FHIT: variants seen among roughly 807,000 people sequenced by gnomAD.
FHIT encodes the protein fragile histidine triad diadenosine triphosphatase.
A neutral mutation model predicts 17.9 loss-of-function variants in FHIT; 19 were observed. The ratio of observed to expected loss-of-function variants is 1.06; its 90% CI spans 0.74 to 1.56. The LOEUF (loss-of-function observed/expected upper bound fraction) is 1.56, where lower values mean the gene tolerates loss of function less well. Ranked by LOEUF, FHIT falls within the 40% of genes most tolerant of loss-of-function variation. The pLI is 0.00. For synonymous variants in FHIT, 81 were observed against 69.7 expected (o/e 1.16, Z -0.81); for missense variants, 248 against 189.2 (o/e 1.31, Z -1.82).
chr3:60,526,258 C>T (rs2035571993), intron 5 of FHIT, among the ~76,000 whole-genome samples: 1 of 152,104 alleles, frequency 6.6e-6, no homozygotes, highest in Non-Finnish European at 1.5e-5. Flanking sequence ...AATTAACAGA[C>T]ATGTTTTTTC....
chr3:59,832,404 T>C (rs1559644432), intron 8 of FHIT, among the ~76,000 whole-genome samples: 1 of 152,158 alleles, frequency 6.6e-6, no homozygotes, highest in Admixed American at 6.6e-5. Context: ...AAGAAAAGGA[T>C]AATACACCCC....
At chr3:60,535,818 T>TA (rs1040848141) in intron 5 of FHIT, 2 of 151,634 alleles carry the variant, frequency 1.3e-5, no homozygotes, top group African/African-American at 4.8e-5. Flanking sequence ...TATTTTTTTT[T>TA]TTTTTAGCAT....
At chr3:60,751,717 C>T (rs2042470135) in intron 4 of FHIT, among the ~76,000 whole-genome samples, 1 of 149,752 alleles carries the variant, frequency 6.7e-6, no homozygotes, top group Non-Finnish European at 1.5e-5. Flanking sequence ...TAGCAACTTT[C>T]TCAAAATCTT....
At chr3:60,019,164 T>C (rs936606431) in intron 5 of FHIT, among the ~76,000 whole-genome samples, 8 of 152,190 alleles carry the variant, frequency 5.3e-5, no homozygotes, top group African/African-American at 1.7e-4. Flanking sequence ...TCCATCCCAA[T>C]AGATGCAGAA....
chr3:59,943,490 G>A (rs1011200873), intron 7 of FHIT, among the ~76,000 whole-genome samples: 3 of 152,070 alleles, frequency 2.0e-5, no homozygotes, highest in Non-Finnish European at 4.4e-5. Context: ...TGACAAGAGA[G>A]GCCCTTGGTA....
chr3:60,740,607 T>C (rs2042221925), intron 4 of FHIT, among the ~76,000 whole-genome samples: 1 of 152,168 alleles, frequency 6.6e-6, no homozygotes, highest in African/African-American at 2.4e-5. Context: ...TGGCATTAGG[T>C]ACATTCATAT....
intron 8 of FHIT, among the ~76,000 whole-genome samples, chr3:59,911,505 C>G (rs1021903083): frequency 6.6e-6 from 1 of 152,090 alleles, no homozygotes; most frequent in African/African-American, 2.4e-5. Context: ...CAGGGAGATT[C>G]CAGAAACGGG....
intron 2 of FHIT, among the ~76,000 whole-genome samples, chr3:61,192,641 C>T (rs1403497330): frequency 6.6e-6 from 1 of 152,082 alleles, no homozygotes. Context: ...GTGATAAATC[C>T]ATCTTCACAT....
intron 5 of FHIT, among the ~76,000 whole-genome samples, chr3:60,049,507 T>C (rs2106872797): frequency 6.6e-6 from 1 of 152,288 alleles, no homozygotes; most frequent in Admixed American, 6.5e-5. Flanking sequence ...AATCAATCAG[T>C]TCCAATGAAA....
At chr3:60,504,042 A>AC (rs2034626384) in intron 5 of FHIT, among the ~76,000 whole-genome samples, 1 of 152,218 alleles carries the variant, frequency 6.6e-6, no homozygotes, top group Non-Finnish European at 1.5e-5. Context: ...CAGATAAATG[A>AC]CCACATAGCT....
intron 4 of FHIT, among the ~76,000 whole-genome samples, chr3:60,657,066 G>A (rs558349976): frequency 3.3e-4 from 50 of 152,186 alleles, no homozygotes; most frequent in African/African-American, 1.1e-3. Context: ...CAGAAGGCAA[G>A]GAAGTCCTAT....
chr3:60,564,620 G>C lies in FHIT; in HGVS notation c.-17-27641C>G, dbSNP rs1576887899. On this transcript the variant is annotated intron_variant, in intron 4 of 9. Transcript: ENST00000492590. ...GATTCCAGCCCTCATGGATGACTTT[G>C]AGGGGTTCAAGACATCAGTGGTGAA... Among the ~76,000 whole-genome samples the C allele has an allele frequency of 2.0e-5, 3 of 152,256 alleles. No homozygotes were observed. In the East Asian group the frequency reaches 5.8e-4, roughly 29 times the overall value.
chr3:60,915,420 C>A (rs1436689314), intron 3 of FHIT, among the ~76,000 whole-genome samples: 2 of 152,118 alleles, frequency 1.3e-5, no homozygotes, highest in Non-Finnish European at 2.9e-5. Context: ...TATTTAACTT[C>A]TATTTGTTGT....
intron 4 of FHIT, among the ~76,000 whole-genome samples, chr3:60,800,696 G>C (rs1345111989): frequency 1.3e-5 from 2 of 152,184 alleles, no homozygotes; most frequent in African/African-American, 4.8e-5. Context: ...AGTAGGATGG[G>C]CCAGGGAAGA....
At chr3:61,205,564 G>C (rs1420057436) in intron 1 of FHIT, among the ~76,000 whole-genome samples, 4 of 152,194 alleles carry the variant, frequency 2.6e-5, no homozygotes, top group Non-Finnish European at 5.9e-5. Context: ...GCATGTCTCT[G>C]ATGGCCAGTG....
rs1702713760 is a variant in FHIT, at chr3:60,841,126, CT to C, written c.-110-19116del. On this transcript the variant is annotated intron_variant, in intron 3 of 9. Transcript: ENST00000492590. ...CTTCATCTGTATTTACCACATAGAT[CT>C]TTAGATTCTCTTACCAATCCAACAG... Among the ~76,000 whole-genome samples, 9 of 152,272 alleles carry C rather than the reference CT, an allele frequency of 5.9e-5. 1 individual carries two copies. The South Asian group carries it at 1.9e-3, about 32-fold the overall frequency.
chr3:59,824,865 C>G (rs1377816009), intron 8 of FHIT, among the ~76,000 whole-genome samples: 4 of 152,146 alleles, frequency 2.6e-5, no homozygotes, highest in Non-Finnish European at 5.9e-5. Flanking sequence ...ATCCTTCCAC[C>G]CATCCCTCTC....
At chr3:60,008,767 T>A (rs1700017187) in intron 7 of FHIT, among the ~76,000 whole-genome samples, 1 of 152,232 alleles carries the variant, frequency 6.6e-6, no homozygotes. Flanking sequence ...CTCAGAGGCT[T>A]GAATTGTAGT....
intron 7 of FHIT, among the ~76,000 whole-genome samples, chr3:60,002,550 G>A (rs1199525845): frequency 6.6e-6 from 1 of 152,176 alleles, no homozygotes; most frequent in Non-Finnish European, 1.5e-5. Flanking sequence ...TCCTCACCAT[G>A]TTTGGCCTGA....
Sources: gnomAD v4.1 joint callset for allele counts (sites outside exome capture counted in the v4.1 genomes callset) on GRCh38, gnomAD v4.1.1 for gene constraint, MANE v1.5 for transcripts, NCBI Gene and HGNC (gene_info 2026-07-23, HGNC 2026-07-21) for gene names.